Variants in CACNA2D1 observed in about 807,000 individuals in gnomAD.
CACNA2D1 encodes voltage-dependent calcium channel subunit alpha-2/delta-1.
A neutral mutation model predicts 171.5 loss-of-function variants in CACNA2D1; 53 were observed. That is an observed-to-expected ratio of 0.31 (90% confidence interval 0.25 to 0.39). The LOEUF (loss-of-function observed/expected upper bound fraction) is 0.39. CACNA2D1 is among the 10% of genes least tolerant of loss of function. CACNA2D1 has a pLI of 1.00. For synonymous variants in CACNA2D1, 442 were observed against 443.1 expected, an observed-to-expected ratio of 1.00 and a Z score of 0.03; for missense variants, 903 against 1,299.8, an observed-to-expected ratio of 0.69 and a Z score of 4.69.
At chr7:81,958,993 A>ATATACCATAATTAACATTTACTATGAGT (rs1230773736) in intron 38 of CACNA2D1, among the ~76,000 whole-genome samples, 2 of 152,024 alleles carry the variant, frequency 1.3e-5, no homozygotes, top group African/African-American at 4.8e-5. Flanking sequence ...GAGGCAACAA[A>ATATACCATAATTAACATTTACTATGAGT]TATACCATAA....
chr7:82,016,127 A>G (rs548695403), intron 12 of CACNA2D1, among the ~76,000 whole-genome samples: 6 of 152,168 alleles, frequency 3.9e-5, no homozygotes, highest in Non-Finnish European at 7.4e-5. Context: ...CATTTTCTTT[A>G]ATTCATCAGT....
chr7:82,357,850 T>G (rs1330031699), intron 1 of CACNA2D1, among the ~76,000 whole-genome samples: 1 of 149,242 alleles, frequency 6.7e-6, no homozygotes, highest in African/African-American at 2.5e-5. Flanking sequence ...ACCCTAAAAC[T>G]TAAAGTATAA....
At chr7:82,385,529 T>C (rs1824241986) in intron 1 of CACNA2D1, among the ~76,000 whole-genome samples, 1 of 152,242 alleles carries the variant, frequency 6.6e-6, no homozygotes, top group Admixed American at 6.5e-5. Context: ...CCTGTTGTTT[T>C]AATGCTAACA....
chr7:82,408,762 A>AT (rs1554546576), intron 1 of CACNA2D1, among the ~76,000 whole-genome samples: 1 of 152,172 alleles, frequency 6.6e-6, no homozygotes, highest in Non-Finnish European at 1.5e-5. Context: ...GAAAGCTACC[A>AT]TTTTACATAA....
chr7:82,108,604 G>T (rs1453188378), intron 6 of CACNA2D1, among the ~76,000 whole-genome samples: 1 of 152,084 alleles, frequency 6.6e-6, no homozygotes, highest in East Asian at 1.9e-4. Flanking sequence ...GATCTGAAAT[G>T]AATTAAAAAA....
intron 3 of CACNA2D1, among the ~76,000 whole-genome samples, chr7:82,280,639 A>G (rs1260045497): frequency 6.6e-6 from 1 of 152,168 alleles, no homozygotes; most frequent in African/African-American, 2.4e-5. Context: ...ATGTAATCTC[A>G]TCTACCCCTT....
chr7:82,423,483 G>A (rs1469461073), intron 1 of CACNA2D1, among the ~76,000 whole-genome samples: 2 of 152,164 alleles, frequency 1.3e-5, no homozygotes, highest in Non-Finnish European at 2.9e-5. Context: ...CTGAAAGCAA[G>A]TGTTTGAATT....
chr7:81,993,369 G>T (rs1797743931), intron 20 of CACNA2D1, among the ~76,000 whole-genome samples: 1 of 151,972 alleles, frequency 6.6e-6, no homozygotes, highest in Non-Finnish European at 1.5e-5. Flanking sequence ...TATGGAACAT[G>T]GTACAAGAAA....
chr7:82,217,424 T>TATATATATATATATAG (rs1801265518), intron 3 of CACNA2D1, among the ~76,000 whole-genome samples: 1 of 110,298 alleles, frequency 9.1e-6, no homozygotes, highest in Admixed American at 9.7e-5. Context: ...TATATATATA[T>TATATATATATATATAG]ATCAGGAAAA....
At chr7:82,035,221 A>C (rs1348251646) in intron 11 of CACNA2D1, among the ~76,000 whole-genome samples, 4 of 152,100 alleles carry the variant, frequency 2.6e-5, no homozygotes, top group Non-Finnish European at 5.9e-5. Context: ...TATATATGGT[A>C]ATATTTTATG....
At chr7:82,018,496 A>C (rs1438686670) in intron 12 of CACNA2D1, among the ~76,000 whole-genome samples, 5 of 152,090 alleles carry the variant, frequency 3.3e-5, no homozygotes, top group African/African-American at 1.2e-4. Flanking sequence ...ATACATTCTT[A>C]ATCTTTTTAT....
chr7:82,388,351 T>C (rs1361313627), intron 1 of CACNA2D1, among the ~76,000 whole-genome samples: 1 of 152,218 alleles, frequency 6.6e-6, no homozygotes, highest in Non-Finnish European at 1.5e-5. Flanking sequence ...ACAGAACAGA[T>C]GGATAAGAAG....
At chr7:82,354,955 G>T (rs765067774) in intron 1 of CACNA2D1, among the ~76,000 whole-genome samples, 1 of 152,008 alleles carries the variant, frequency 6.6e-6, no homozygotes, top group African/African-American at 2.4e-5. Context: ...CATAAACAAG[G>T]CTTATCTCTT....
chr7:82,372,844 T>C (rs1207236866), intron 1 of CACNA2D1, among the ~76,000 whole-genome samples: 1 of 152,196 alleles, frequency 6.6e-6, no homozygotes, highest in Non-Finnish European at 1.5e-5. Flanking sequence ...CTCTAAATAT[T>C]CTTATATTTT....
chr7:81,987,617 TATC>T (rs751585545), intron 21 of CACNA2D1, among the ~76,000 whole-genome samples: 33 of 151,492 alleles, frequency 2.2e-4, no homozygotes, highest in African/African-American at 7.6e-4. Flanking sequence ...AATCAAAACA[TATC>T]ATGTTTTTTC....
intron 10 of CACNA2D1, among the ~76,000 whole-genome samples, chr7:82,041,510 G>GA (rs939782286): frequency 5.3e-5 from 8 of 151,988 alleles, no homozygotes; most frequent in Admixed American, 4.6e-4. Flanking sequence ...TTAGAGAAAA[G>GA]AAAAAACAAG....
Position 82,146,854 on chromosome 7 carries a change from C to T in CACNA2D1, c.355-10178G>A, listed in dbSNP as rs1793186540. Among the ~76,000 whole-genome samples the T allele has an allele frequency of 2.0e-5, 3 of 151,298 alleles. No homozygotes were observed. The South Asian group carries it at 6.3e-4, about 32-fold the overall frequency. ...TACAAAAATTAGTTGGCCATGGTGG[C>T]ACACACCTGTAATCCCAGCTACTTG... On this transcript the variant is annotated intron_variant, in intron 4 of 38. Coordinates refer to ENST00000356860, the MANE Select transcript of CACNA2D1 (RefSeq NM_000722.4).
intron 1 of CACNA2D1, among the ~76,000 whole-genome samples, chr7:82,412,654 T>C (rs1827801673): frequency 6.6e-6 from 1 of 151,912 alleles, no homozygotes; most frequent in Non-Finnish European, 1.5e-5. Flanking sequence ...TTTGTTAGTC[T>C]CTTGGTAACT....
At chr7:82,103,451 A>G (rs1812930623) in intron 6 of CACNA2D1, among the ~76,000 whole-genome samples, 2 of 152,192 alleles carry the variant, frequency 1.3e-5, no homozygotes, top group African/African-American at 4.8e-5. Context: ...GGAATATTAT[A>G]ACACTGTGGT....
Sources: gnomAD v4.1 joint callset for allele counts (sites outside exome capture counted in the v4.1 genomes callset) on GRCh38, gnomAD v4.1.1 for gene constraint, MANE v1.5 for transcripts, NCBI Gene and HGNC (gene_info 2026-07-23, HGNC 2026-07-21) for gene names.